MACROD2: variants seen among roughly 807,000 people sequenced by gnomAD.
MACROD2 encodes mono-ADP ribosylhydrolase 2, also known as ADP-ribose glycohydrolase MACROD2.
MACROD2 carries 36 observed loss-of-function variants against 70.4 expected under a neutral mutation model. The ratio of observed to expected loss-of-function variants is 0.51; its 90% CI spans 0.39 to 0.68. The LOEUF (loss-of-function observed/expected upper bound fraction) is 0.68, where lower values mean the gene tolerates loss of function less well. MACROD2 is among the 30% of genes least tolerant of loss of function. The pLI, the probability that MACROD2 is intolerant of heterozygous loss-of-function variation, is 0.00. For missense variants in MACROD2, 496 were observed against 538.4 expected (o/e 0.92, Z 0.78); for synonymous variants, 172 against 178.8 (o/e 0.96, Z 0.30).
intron 6 of MACROD2, among the ~76,000 whole-genome samples, chr20:15,239,438 G>A: frequency 6.6e-6 from 1 of 151,906 alleles, no homozygotes; most frequent in Non-Finnish European, 1.5e-5. Context: ...ATTTTTGTTT[G>A]TTTATTTTAT....
At position 14,036,420 on chromosome 20, in the gene MACROD2, C is replaced by T. The variant is rs1177023323; in HGVS notation, c.163+34016C>T. Among the ~76,000 whole-genome samples, 3 of 152,128 alleles carry T rather than the reference C, an allele frequency of 2.0e-5. 1 individual carries two copies. Among genetic ancestry groups the T allele is most frequent in the Admixed American group, 2.0e-4 (3 of 15,270 alleles). On this transcript the variant is annotated intron_variant, in intron 2 of 17. Transcript: ENST00000684519. ...TAGGTATTAATTAGGACCCAGGAGT[C>T]TGCACTGTTAACAAGCACCTCAGGG...
intron 5 of MACROD2, among the ~76,000 whole-genome samples, chr20:15,146,468 G>T (rs1197453749): frequency 6.6e-6 from 1 of 152,042 alleles, no homozygotes; most frequent in Non-Finnish European, 1.5e-5. Flanking sequence ...CATACTATTT[G>T]TCCAATGTAA....
chr20:14,495,618 G>C (rs1362380587), intron 4 of MACROD2, among the ~76,000 whole-genome samples: 2 of 152,126 alleles, frequency 1.3e-5, no homozygotes, highest in Admixed American at 1.3e-4. Context: ...TTGTCAAACT[G>C]ATTTCTTTAA....
chr20:15,315,055 A>G (rs1286153112), intron 6 of MACROD2, among the ~76,000 whole-genome samples: 2 of 152,240 alleles, frequency 1.3e-5, no homozygotes, highest in Non-Finnish European at 2.9e-5. Context: ...AAAAGATTCA[A>G]GTAGGTAGAA....
intron 2 of MACROD2, among the ~76,000 whole-genome samples, chr20:14,083,470 A>G (rs369791105): frequency 7.9e-5 from 12 of 152,218 alleles, no homozygotes; most frequent in African/African-American, 2.9e-4. Flanking sequence ...ACTATGAGGC[A>G]AACATTCTAA....
chr20:15,475,160 G>C (rs891542896), intron 7 of MACROD2, among the ~76,000 whole-genome samples: 1 of 152,150 alleles, frequency 6.6e-6, no homozygotes, highest in Admixed American at 6.5e-5. Flanking sequence ...GATGTGCATA[G>C]GTTGTATGCA....
At chr20:14,193,305 G>A (rs2081402983) in intron 3 of MACROD2, among the ~76,000 whole-genome samples, 1 of 152,198 alleles carries the variant, frequency 6.6e-6, no homozygotes, top group Non-Finnish European at 1.5e-5. Flanking sequence ...GCTTTGTATT[G>A]TGGATGTATA....
chr20:15,289,349 A>G (rs1808318859), intron 6 of MACROD2, among the ~76,000 whole-genome samples: 1 of 152,224 alleles, frequency 6.6e-6, no homozygotes, highest in Admixed American at 6.5e-5. Context: ...TTTAAATTTT[A>G]GAGGGAAATA....
At chr20:15,020,723 T>C (rs1261270572) in intron 5 of MACROD2, among the ~76,000 whole-genome samples, 1 of 152,026 alleles carries the variant, frequency 6.6e-6, no homozygotes, top group East Asian at 1.9e-4. Flanking sequence ...TACTGAGTAG[T>C]GTAGGCACAT....
intron 6 of MACROD2, among the ~76,000 whole-genome samples, chr20:15,235,145 A>T (rs980012495): frequency 6.6e-6 from 1 of 152,224 alleles, no homozygotes; most frequent in Non-Finnish European, 1.5e-5. Flanking sequence ...CATTCTTTGA[A>T]TGACAACGTG....
At chr20:14,759,517 G>T (rs1192469483) in intron 5 of MACROD2, among the ~76,000 whole-genome samples, 1 of 152,036 alleles carries the variant, frequency 6.6e-6, no homozygotes, top group East Asian at 1.9e-4. Context: ...CATTTAGAAT[G>T]CAGAGTTCAT....
At chr20:15,914,448 G>A (rs2065282798) in intron 10 of MACROD2, among the ~76,000 whole-genome samples, 1 of 152,208 alleles carries the variant, frequency 6.6e-6, no homozygotes, top group Non-Finnish European at 1.5e-5. Context: ...GTGGGAATTT[G>A]TGTACTTTAT....
chr20:15,510,851 T>A (rs761045265), intron 8 of MACROD2, among the ~76,000 whole-genome samples: 27 of 152,376 alleles, frequency 1.8e-4, no homozygotes, highest in Non-Finnish European at 3.2e-4. Context: ...TTATGTCGTC[T>A]ACATTTCTAT....
At chr20:14,275,338 G>C (rs1041653755) in intron 3 of MACROD2, among the ~76,000 whole-genome samples, 12 of 150,446 alleles carry the variant, frequency 8.0e-5, no homozygotes, top group South Asian at 2.1e-4. Flanking sequence ...ATATCTGCAA[G>C]TATCTGATCT....
At chr20:15,218,384 G>C (rs1033002834) in intron 5 of MACROD2, among the ~76,000 whole-genome samples, 4 of 152,034 alleles carry the variant, frequency 2.6e-5, no homozygotes, top group Admixed American at 2.0e-4. Context: ...TCTTTTTCAC[G>C]CCTTGGACTC....
chr20:14,404,349 A>G (rs1417512308), intron 3 of MACROD2, among the ~76,000 whole-genome samples: 1 of 152,168 alleles, frequency 6.6e-6, no homozygotes, highest in Non-Finnish European at 1.5e-5. Context: ...CTAATGGGGC[A>G]GGTGCGGTTG....
chr20:15,511,053 C>A (rs921724908), intron 8 of MACROD2, among the ~76,000 whole-genome samples: 1 of 152,126 alleles, frequency 6.6e-6, no homozygotes, highest in Admixed American at 6.5e-5. Context: ...GGCAAGGAAG[C>A]GAAGCCCCAC....
At chr20:14,181,262 C>T (rs2081302988) in intron 3 of MACROD2, among the ~76,000 whole-genome samples, 1 of 151,568 alleles carries the variant, frequency 6.6e-6, no homozygotes, top group African/African-American at 2.4e-5. Context: ...GAAATGGGAT[C>T]TCATTATGTT....
At chr20:14,550,594 G>T (rs559699538) in intron 4 of MACROD2, among the ~76,000 whole-genome samples, 2 of 152,254 alleles carry the variant, frequency 1.3e-5, no homozygotes, top group African/African-American at 4.8e-5. Flanking sequence ...CCAGAACTGT[G>T]AGAAATAAAT....
Sources: gnomAD v4.1 joint callset for allele counts (sites outside exome capture counted in the v4.1 genomes callset) on GRCh38, gnomAD v4.1.1 for gene constraint, MANE v1.5 for transcripts, NCBI Gene and HGNC (gene_info 2026-07-23, HGNC 2026-07-21) for gene names.